The following ACAA1 variants were observed in gnomAD, a reference collection of about 807,000 sequenced individuals.
ACAA1 encodes the protein 3-ketoacyl-CoA thiolase, peroxisomal.
Under a neutral mutation model 48.8 loss-of-function variants are expected in ACAA1, and 44 were observed. That is an observed-to-expected ratio of 0.90 (90% CI 0.71 to 1.16). The LOEUF is 1.16. ACAA1 is among the 50% of genes most tolerant of loss of function. The probability of loss-of-function intolerance (pLI) is 0.00; values close to 1 mark genes in which losing one functional copy is unlikely to be tolerated. For synonymous variants in ACAA1, 233 were observed against 226.5 expected (o/e 1.03, Z -0.26); for missense variants, 512 against 562.3 (o/e 0.91, Z 0.90).
At position 38,129,437 on chromosome 3, in the gene ACAA1, AG is replaced by A; in HGVS notation, c.447-50del. 6.9e-7 allele frequency: 1 copy of A among 1,444,808 alleles called. No individual in the cohort carries two copies. 89.5% of individuals were successfully genotyped at this position (1,444,808 alleles called of 1,614,324 possible). A position where few individuals can be genotyped will look rare whatever the true frequency, so the allele number is the denominator to read the frequency against. ...AAGGTAAGGTGAACTGGGCCCTAGC[AG>A]GACTCCTCCAGAGATAGCTGAACAC... On this transcript the variant is annotated intron_variant, in intron 5 of 11. Transcript: ENST00000333167. This position sits in a 1 kb window ranked among gnomAD's most constrained non-coding sequence, Gnocchi z 5.3.
Position 38,126,144 on chromosome 3 carries a change from A to G in ACAA1, c.997+18T>C, listed in dbSNP as rs13323977. On this transcript the variant is annotated intron_variant, in intron 9 of 11. Transcript: ENST00000333167. The surrounding 1 kb of genome is among the most constrained non-coding windows in gnomAD (Gnocchi z 4.7). Reference sequence around the variant, plus strand: ...GATCCAGGTGGGACCCAGATACTATATGAAGGAGCCACCTTACCTGCTTTT... The same window carrying G: ...GATCCAGGTGGGACCCAGATACTATGTGAAGGAGCCACCTTACCTGCTTTT... 3,365 of 1,610,798 alleles carry G rather than the reference A, an allele frequency of 2.1e-3. 68 individuals carry two copies. The African/African-American group carries it at 0.04, about 19-fold the overall frequency.
At chr3:38,123,578 T>G (rs1367399030) in intron 11 of ACAA1, 1 of 165,270 alleles carries the variant, frequency 6.1e-6, no homozygotes, top group Admixed American at 6.2e-5. Flanking sequence ...TGGCATCTAC[T>G]TGTAGTCCCA....
At position 38,122,799 on chromosome 3, in the gene ACAA1, C is replaced by CA; in HGVS notation, c.*247_*248insT. On this transcript the variant is annotated 3_prime_UTR_variant, in exon 12 of 12. Coordinates refer to ENST00000333167, the MANE Select transcript of ACAA1 (RefSeq NM_001607.4). ...TAAGAATTAACCATGGCCTTGTGGC[C>CA]TGGGTGACCCAGGCTGCTTTTATCT... is the stretch of plus-strand genomic sequence containing the variant. 1 of 1,041,688 alleles carries CA rather than the reference C, an allele frequency of 9.6e-7. No individual in the cohort carries two copies. Among genetic ancestry groups the CA allele is most frequent in the Non-Finnish European group, 1.3e-6 (1 of 747,108 alleles). The allele number at this position is 1,041,688 out of a possible 1,614,324, so 64.5% of individuals were successfully genotyped here.
intron 2 of ACAA1, chr3:38,134,456 G>A: frequency 4.4e-6 from 2 of 456,162 alleles, no homozygotes; most frequent in Admixed American, 4.8e-5. Context: ...GGTGAGGGGT[G>A]GAATAGAGGG....
intron 2 of ACAA1, among the ~76,000 whole-genome samples, chr3:38,135,879 G>T (rs1700881135): frequency 6.6e-6 from 1 of 152,148 alleles, no homozygotes; most frequent in African/African-American, 2.4e-5. Flanking sequence ...CTTTACGGGT[G>T]TCGGGCTGGG....
In ACAA1 at chr3:38,125,654, C is replaced by T. The variant is rs1700661296; in HGVS notation, c.1110G>A (p.Gly370=). The T allele has an allele frequency of 1.9e-6, 3 of 1,599,626 alleles. No homozygotes were observed. Among genetic ancestry groups the T allele is most frequent in the Admixed American group, 1.7e-5 (1 of 58,892 alleles). The change falls in exon 11 of 12, where the codon GGG becomes GGA. Residue 370 remains glycine (G), a synonymous_variant. Coordinates refer to ENST00000333167, the MANE Select transcript of ACAA1 (RefSeq NM_001607.4). ...GTGGGTGCCCTAAGGCCACTGCACCCCCCAGGGGGTTCACCTTCTCAGGGG... is the reference window on the plus strand; with the variant it reads ...GTGGGTGCCCTAAGGCCACTGCACCTCCCAGGGGGTTCACCTTCTCAGGGG... The part of the protein sequence containing the change: ...RLPPEKVNPL[G]GAVALGHPLG...
chr3:38,136,662 G>A lies in ACAA1; in HGVS notation c.195C>T (p.Leu65=), dbSNP rs2125772477. 3.1e-6 allele frequency: 5 copies of A among 1,613,492 alleles called. No individual in the cohort carries two copies. In the East Asian group the frequency reaches 6.7e-5, roughly 22 times the overall value. ...TGAGAACCGCGGTCATGACTGCCGA[G>A]AGAAGCTCGTCGGGGGTGGTGTCCT... is the stretch of plus-strand genomic sequence containing the variant. The part of the protein sequence containing the change: ...GFKDTTPDEL[L]SAVMTAVLKD... Residue 65 remains leucine (L), a synonymous_variant, in exon 2 of 12, where the codon CTC becomes CTT. Coordinates refer to ENST00000333167, the MANE Select transcript of ACAA1 (RefSeq NM_001607.4).
intron 2 of ACAA1, chr3:38,134,244 T>C (rs1700843617): frequency 7.0e-6 from 4 of 572,982 alleles, no homozygotes; most frequent in East Asian, 3.0e-5. Flanking sequence ...CACTTGCCCA[T>C]GCACCCAGCT....
chr3:38,132,939 G>A (rs1700816946), intron 3 of ACAA1, among the ~76,000 whole-genome samples: 1 of 152,170 alleles, frequency 6.6e-6, no homozygotes, highest in Non-Finnish European at 1.5e-5. Context: ...CATCACCTGA[G>A]GGATGCTGCG....
At chr3:38,136,217 T>C (rs1291186879) in intron 2 of ACAA1, among the ~76,000 whole-genome samples, 4 of 152,166 alleles carry the variant, frequency 2.6e-5, no homozygotes, top group African/African-American at 9.7e-5. Flanking sequence ...TTAGTACAGA[T>C]CAAAATGGAG....
In ACAA1 at chr3:38,132,020, G is replaced by T; in HGVS notation, c.324-15C>A. 6.2e-7 allele frequency: 1 copy of T among 1,607,586 alleles called. No individual in the cohort carries two copies. ...CCGGGATGTCACTGAAACAGAAGGT[G>T]AGAAAGTAGAATCAGCCCCCAATTC... On this transcript the variant is annotated splice_polypyrimidine_tract_variant and intron_variant, in intron 3 of 11. Coordinates refer to ENST00000333167, the MANE Select transcript of ACAA1 (RefSeq NM_001607.4).
chr3:38,127,851 A>G lies in ACAA1; in HGVS notation c.561T>C (p.Asn187=). ...CLIPMGITSE[N]VAERFGISRE... is the part of the protein sequence containing the mutation. ...GTGAAATGCCAAACCGCTCAGCCAC[A>G]TTCTCAGAGGTTATCCTAGAACACA... The change falls in exon 7 of 12, where the codon AAT becomes AAC. Residue 187 remains asparagine, a synonymous_variant. Transcript: ENST00000333167. 1 of 1,614,186 alleles carries G rather than the reference A, an allele frequency of 6.2e-7. No homozygotes were observed. Among genetic ancestry groups the G allele is most frequent in the Non-Finnish European group, 8.5e-7 (1 of 1,180,016 alleles).
At chr3:38,125,503 C>T (rs1700656583) in intron 11 of ACAA1, 62 bp downstream of exon 11, 1 of 1,505,010 alleles carries the variant, frequency 6.6e-7, no homozygotes, top group African/African-American at 1.4e-5. Context: ...CTATCCCCTG[C>T]CCTTCAGGTG....
intron 2 of ACAA1, chr3:38,134,636 C>T: frequency 2.3e-6 from 1 of 428,296 alleles, no homozygotes. Flanking sequence ...AAAACATGTG[C>T]TATATTGAAT....
At chr3:38,127,926 G>A in intron 6 of ACAA1, 60 bp from the exon 7 acceptor site, 1 of 1,573,436 alleles carries the variant, frequency 6.4e-7, no homozygotes, top group Admixed American at 1.7e-5. Context: ...GAAGGGACCA[G>A]GCTGTAGAGC....
intron 11 of ACAA1, chr3:38,124,839 TGA>T (rs901953996): frequency 6.6e-6 from 1 of 152,236 alleles, no homozygotes; most frequent in African/African-American, 2.4e-5. Context: ...GTCCCGGCTC[TGA>T]GAGAGACAGT....
In ACAA1 at chr3:38,125,717, G is replaced by A. The variant is rs778765436; in HGVS notation, c.1054-7C>T. The A allele has an allele frequency of 2.5e-6, 4 of 1,609,810 alleles. No homozygotes were observed. In the Admixed American group the frequency reaches 6.7e-5, roughly 27 times the overall value. ...TCTCCACACAGTAGGCAGCCTGGAA[G>A]GAGGCAGATCATCACCTATAGCCCT... On this transcript the variant is annotated splice_region_variant and splice_polypyrimidine_tract_variant and intron_variant, in intron 10 of 11. Transcript: ENST00000333167.
At chr3:38,134,635 G>A (rs1700852348) in intron 2 of ACAA1, 2 of 429,332 alleles carry the variant, frequency 4.7e-6, no homozygotes, top group African/African-American at 2.0e-5. Context: ...AAAAACATGT[G>A]CTATATTGAA....
chr3:38,134,993 G>A (rs1018794560), intron 2 of ACAA1, among the ~76,000 whole-genome samples: 1 of 150,212 alleles, frequency 6.7e-6, no homozygotes, highest in Non-Finnish European at 1.5e-5. Flanking sequence ...GCCGACTATT[G>A]GTTCTATTTA....
Sources: allele counts gnomAD v4.1 joint callset (sites outside exome capture counted in the v4.1 genomes callset), GRCh38; gene constraint gnomAD v4.1.1; non-coding constraint Gnocchi (gnomAD v3.1); transcripts MANE v1.5; gene names NCBI Gene and HGNC (gene_info 2026-07-23, HGNC 2026-07-21).